Variants in DYNLRB2 observed in about 807,000 individuals in gnomAD.
DYNLRB2 encodes dynein light chain roadblock-type 2, also known as bithoraxoid-like protein.
A neutral mutation model predicts 12.6 loss-of-function variants in DYNLRB2; 14 were observed. The observed-to-expected ratio is 1.11, with a 90% CI of 0.73 to 1.73. The LOEUF is 1.73. DYNLRB2 is among the 40% of genes most tolerant of loss of function. The pLI is 0.00. For synonymous variants in DYNLRB2, 53 were observed against 37.0 expected (o/e 1.43, Z -1.57); for missense variants, 142 against 117.7 (o/e 1.21, Z -0.95).
intron 2 of DYNLRB2, among the ~76,000 whole-genome samples, chr16:80,546,735 A>G (rs572381961): frequency 2.0e-5 from 3 of 152,334 alleles, no homozygotes; most frequent in South Asian, 4.1e-4. Context: ...TGATTTCTAC[A>G]GGCTCTTAAT....
In DYNLRB2 at chr16:80,550,535, G is replaced by C. The variant is rs548819192; in HGVS notation, c.268G>C (p.Val90Leu). Residue 90 changes from valine to leucine, a missense_variant, in exon 4 of 4, where the codon GTC (valine) becomes CTC (leucine). Transcript: ENST00000305904. The stretch of plus-strand genomic sequence containing the variant: ...CATAGATAAGGAATATCTTCTGATC[G>C]TCATTCAGAATCCATGTGAATAGAC... ...VAPDKEYLLIVIQNPCE is the reference protein window; with the variant it reads ...VAPDKEYLLILIQNPCE The C allele has an allele frequency of 3.1e-6, 5 of 1,614,096 alleles. No individual in the cohort carries two copies. In the Admixed American group the frequency reaches 8.3e-5, roughly 27 times the overall value.
chr16:80,549,378 C>G (rs908454812), intron 2 of DYNLRB2, 106 bp from the exon 3 acceptor site: 1 of 1,163,832 alleles, frequency 8.6e-7, no homozygotes, highest in Non-Finnish European at 1.2e-6. Context: ...TAAGCCATCA[C>G]TTTTTTCTCT....
rs556940043 is a variant in DYNLRB2, at chr16:80,544,496, A to G, written c.79+1145A>G. 1.1e-4 allele frequency among the ~76,000 whole-genome samples: 16 copies of G among 152,300 alleles called. No homozygotes were observed. The South Asian group carries it at 2.9e-3, about 28-fold the overall frequency. ...CCAGGTAAGTCACAAACTATGCGTA[A>G]TATTTCCAGGAAGCATTCCAGCCCT... On this transcript the variant is annotated intron_variant, in intron 2 of 3. Transcript: ENST00000305904.
chr16:80,545,152 C>A (rs973400194), intron 2 of DYNLRB2, among the ~76,000 whole-genome samples: 2 of 152,032 alleles, frequency 1.3e-5, no homozygotes, highest in South Asian at 4.1e-4. Flanking sequence ...GTAGGTAATC[C>A]TGGTGATATG....
At chr16:80,540,850 C>T (rs1379415259), upstream of DYNLRB2, 6 of 767,842 alleles carry the variant, frequency 7.8e-6, no homozygotes, top group Admixed American at 6.0e-5. Context: ...TTGGGCGAAC[C>T]TCAGGTGAGC....
chr16:80,545,304 A>G (rs1345169167), intron 2 of DYNLRB2, among the ~76,000 whole-genome samples: 1 of 152,254 alleles, frequency 6.6e-6, no homozygotes, highest in Admixed American at 6.5e-5. Flanking sequence ...ATAAATAAAC[A>G]GAAAAAATAA....
chr16:80,544,373 C>A (rs913829731), intron 2 of DYNLRB2, among the ~76,000 whole-genome samples: 1 of 152,148 alleles, frequency 6.6e-6, no homozygotes, highest in Non-Finnish European at 1.5e-5. Context: ...TGTTTTATAA[C>A]CAGCAACTCA....
At chr16:80,546,035 T>C (rs921457431) in intron 2 of DYNLRB2, among the ~76,000 whole-genome samples, 29 of 152,290 alleles carry the variant, frequency 1.9e-4, no homozygotes, top group Admixed American at 5.2e-4. Flanking sequence ...CAGGACACTT[T>C]TCAAGGTTTC....
At chr16:80,549,861 G>C (rs1904730751) in intron 3 of DYNLRB2, among the ~76,000 whole-genome samples, 1 of 152,186 alleles carries the variant, frequency 6.6e-6, no homozygotes, top group African/African-American at 2.4e-5. Context: ...TGAACAGGTT[G>C]AATTTTGCCC....
intron 2 of DYNLRB2, chr16:80,549,108 C>T: frequency 2.3e-6 from 1 of 426,324 alleles, no homozygotes; most frequent in Non-Finnish European, 4.7e-6. Flanking sequence ...CATCATCACC[C>T]CATTAGCTAT....
intron 2 of DYNLRB2, among the ~76,000 whole-genome samples, chr16:80,543,735 A>C (rs1239869530): frequency 6.6e-6 from 1 of 152,236 alleles, no homozygotes; most frequent in Non-Finnish European, 1.5e-5. Flanking sequence ...ACCATACAGA[A>C]TTTCAGTGTT....
chr16:80,550,466 T>G lies in DYNLRB2; in HGVS notation c.248-49T>G, dbSNP rs2142316982. 5.0e-6 allele frequency: 8 copies of G among 1,607,994 alleles called. No homozygotes were observed. In the African/African-American group the frequency reaches 5.3e-5, roughly 11 times the overall value. On this transcript the variant is annotated intron_variant, in intron 3 of 3. Transcript: ENST00000305904. ...AAAGAAGACTAGTTGAAATATTCCTTGATTAAATTTAAATTAAGGGTGAAT... is the reference window on the plus strand; with the variant it reads ...AAAGAAGACTAGTTGAAATATTCCTGGATTAAATTTAAATTAAGGGTGAAT...
Position 80,550,491 on chromosome 16 carries a change from T to C in DYNLRB2, c.248-24T>C, listed in dbSNP as rs75979510. The C allele has an allele frequency of 2.7e-3, 4,334 of 1,613,618 alleles. 110 individuals are homozygous for C. In the African/African-American group the frequency reaches 0.051, roughly 19 times the overall value. On this transcript the variant is annotated intron_variant, in intron 3 of 3. Coordinates refer to ENST00000305904, the MANE Select transcript of DYNLRB2 (RefSeq NM_130897.3). ...TGATTAAATTTAAATTAAGGGTGAA[T>C]TGATTTTATCCATCTCTCCATAGAT...
At chr16:80,549,461 A>C (rs1409468134) in intron 2 of DYNLRB2, 23 bp from the exon 3 acceptor site, 3 of 1,557,194 alleles carry the variant, frequency 1.9e-6, no homozygotes, top group Middle Eastern at 1.7e-4. Flanking sequence ...AAAAATATTA[A>C]CCAAAATTAA....
At chr16:80,548,447 C>T (rs905330092) in intron 2 of DYNLRB2, among the ~76,000 whole-genome samples, 2 of 152,154 alleles carry the variant, frequency 1.3e-5, no homozygotes, top group South Asian at 2.1e-4. Context: ...ATAGAGCAGA[C>T]TGGGCATGGT....
At chr16:80,548,641 G>C (rs1463602684) in intron 2 of DYNLRB2, among the ~76,000 whole-genome samples, 1 of 151,342 alleles carries the variant, frequency 6.6e-6, no homozygotes, top group Non-Finnish European at 1.5e-5. Context: ...AGAATTGCTG[G>C]AACCCAGGAG....
rs1904691923 is a variant in DYNLRB2, at chr16:80,549,395, C to A, written c.80-89C>A. 7 of 1,296,930 alleles carry A rather than the reference C, an allele frequency of 5.4e-6. No individual in the cohort carries two copies. In the South Asian group the frequency reaches 1.2e-4, roughly 21 times the overall value. The allele number at this position is 1,296,930 out of a possible 1,614,324, so 80.3% of individuals were successfully genotyped here. On this transcript the variant is annotated intron_variant, in intron 2 of 3. Coordinates refer to ENST00000305904, the MANE Select transcript of DYNLRB2 (RefSeq NM_130897.3). The stretch of plus-strand genomic sequence containing the variant: ...AGCCATCACTTTTTTCTCTTCTTTA[C>A]AACTATCAGTGTTTTCCAATACTTC...
chr16:80,540,884 C>T (rs1444583230), upstream of DYNLRB2: 2 of 998,100 alleles, frequency 2.0e-6, no homozygotes, highest in Non-Finnish European at 3.1e-6. Context: ...TTCCGCGAAC[C>T]TTCGCCTACG....
chr16:80,546,528 G>A (rs548718660), intron 2 of DYNLRB2, among the ~76,000 whole-genome samples: 25 of 152,246 alleles, frequency 1.6e-4, no homozygotes, highest in Non-Finnish European at 2.5e-4. Flanking sequence ...ATTGATGACC[G>A]TAAAGTAGTC....
Sources: gnomAD v4.1 joint callset for allele counts (sites outside exome capture counted in the v4.1 genomes callset) on GRCh38, gnomAD v4.1.1 for gene constraint, MANE v1.5 for transcripts, NCBI Gene and HGNC (gene_info 2026-07-23, HGNC 2026-07-21) for gene names.